The following PNPLA8 variants were observed in gnomAD, a reference collection of about 807,000 sequenced individuals.
PNPLA8 encodes the protein calcium-independent phospholipase A2-gamma.
PNPLA8 carries 39 observed loss-of-function variants against 76.9 expected under a neutral mutation model. The ratio of observed to expected loss-of-function variants is 0.51; its 90% CI spans 0.39 to 0.66. The LOEUF (loss-of-function observed/expected upper bound fraction) is 0.66. Ranked by LOEUF, PNPLA8 falls within the 30% of genes least tolerant of loss-of-function variation. PNPLA8 has a pLI of 0.00. For synonymous variants in PNPLA8, 301 were observed against 307.9 expected (o/e 0.98, Z 0.24); for missense variants, 887 against 918.0 (o/e 0.97, Z 0.44).
intron 8 of PNPLA8, among the ~76,000 whole-genome samples, chr7:108,490,908 T>C (rs145997934): frequency 6.6e-6 from 1 of 152,324 alleles, no homozygotes; most frequent in East Asian, 1.9e-4. Flanking sequence ...CCATTTCTGG[T>C]ATAGTTTTAC....
chr7:108,475,933 A>G (rs1333636128), intron 10 of PNPLA8, among the ~76,000 whole-genome samples: 1 of 151,086 alleles, frequency 6.6e-6, no homozygotes, highest in African/African-American at 2.4e-5. Context: ...TGTCCAGAAG[A>G]GGAAGTCTTA....
At chr7:108,500,498 A>G (rs1861856363) in intron 5 of PNPLA8, among the ~76,000 whole-genome samples, 1 of 152,222 alleles carries the variant, frequency 6.6e-6, no homozygotes, top group African/African-American at 2.4e-5. Flanking sequence ...TCAAGAAAGA[A>G]CTGTCTTTCC....
intron 8 of PNPLA8, among the ~76,000 whole-genome samples, chr7:108,489,342 G>A (rs1374624372): frequency 3.9e-5 from 6 of 152,132 alleles, no homozygotes; most frequent in Admixed American, 1.3e-4. Context: ...CTTGGATTCC[G>A]AGGCACTAAT....
chr7:108,506,893 T>G (rs1862472412), intron 4 of PNPLA8, among the ~76,000 whole-genome samples: 1 of 152,196 alleles, frequency 6.6e-6, no homozygotes, highest in Non-Finnish European at 1.5e-5. Flanking sequence ...GTATTTCATG[T>G]GTGAAAAATC....
intron 8 of PNPLA8, among the ~76,000 whole-genome samples, chr7:108,489,886 C>G (rs772416129): frequency 2.0e-5 from 3 of 152,080 alleles, no homozygotes; most frequent in Non-Finnish European, 4.4e-5. Flanking sequence ...GTTTCAAACA[C>G]ACAAATAAAT....
intron 5 of PNPLA8, among the ~76,000 whole-genome samples, chr7:108,498,431 AT>A (rs527328380): frequency 3.6e-3 from 501 of 139,874 alleles, no homozygotes; most frequent in Admixed American, 4.1e-3. Flanking sequence ...TGCCTGGCTA[AT>A]TTTTTTTTTT....
chr7:108,526,651 AT>A (rs1299724444), upstream of PNPLA8, among the ~76,000 whole-genome samples: 1 of 152,110 alleles, frequency 6.6e-6, no homozygotes, highest in Non-Finnish European at 1.5e-5. Flanking sequence ...CTCTATATCC[AT>A]TCCTGGGCAT....
chr7:108,479,304 A>ACGG lies in PNPLA8; in HGVS notation c.1951_1953dup (p.Pro651dup). 6.2e-7 allele frequency: 1 copy of ACGG among 1,612,960 alleles called. No individual in the cohort carries two copies. Among genetic ancestry groups the ACGG allele is most frequent in the Non-Finnish European group, 8.5e-7 (1 of 1,178,902 alleles). ...GTGCCCAGGGATACTATGCACTCTA[A>ACGG]CGGCACATCTGGCCAAAGACATTTA... is the stretch of plus-strand genomic sequence containing the variant. On this transcript the variant is annotated inframe_insertion, in exon 10 of 11. Coordinates refer to ENST00000257694, the MANE Select transcript of PNPLA8 (RefSeq NM_001256007.3).
Position 108,472,365 on chromosome 7 carries a change from C to G in PNPLA8, c.*36G>C, listed in dbSNP as rs776615747. 7.0e-7 allele frequency: 1 copy of G among 1,430,944 alleles called. No individual in the cohort carries two copies. Among genetic ancestry groups the G allele is most frequent in the Non-Finnish European group, 9.5e-7 (1 of 1,057,180 alleles). The allele number at this position is 1,430,944 out of a possible 1,614,324, so 88.6% of individuals were successfully genotyped here. A position where few individuals can be genotyped will look rare whatever the true frequency, so the allele number is the denominator to read the frequency against. On this transcript the variant is annotated 3_prime_UTR_variant, in exon 11 of 11. Transcript: ENST00000257694. ...TATTGAATGTGGTTGATCTTCTAAA[C>G]AGACCTTCATTTATGAGAACATAAG...
At chr7:108,515,622 T>C (rs998136687) in intron 2 of PNPLA8, 48 bp from the exon 3 acceptor site, 2 of 1,145,496 alleles carry the variant, frequency 1.7e-6, no homozygotes, top group Non-Finnish European at 2.2e-6. Context: ...AAATTGAAAT[T>C]GGGTATAACA....
At chr7:108,513,704 T>C (rs1161538926) in intron 4 of PNPLA8, among the ~76,000 whole-genome samples, 1 of 152,154 alleles carries the variant, frequency 6.6e-6, no homozygotes. Flanking sequence ...TTTTACTTAA[T>C]ATGATTACTA....
intron 2 of PNPLA8, among the ~76,000 whole-genome samples, chr7:108,520,131 T>C (rs1335692824): frequency 1.3e-5 from 2 of 152,206 alleles, no homozygotes; most frequent in African/African-American, 4.8e-5. Context: ...TTAATAAATT[T>C]GTATGCCATT....
chr7:108,518,174 C>G (rs1465644324), intron 2 of PNPLA8: 1 of 152,214 alleles, frequency 6.6e-6, no homozygotes, highest in African/African-American at 2.4e-5. Context: ...GACCTAATCA[C>G]CTCCCAAAGA....
At chr7:108,494,539 G>GA (rs1484523064) in intron 7 of PNPLA8, among the ~76,000 whole-genome samples, 2 of 152,176 alleles carry the variant, frequency 1.3e-5, no homozygotes, top group Non-Finnish European at 2.9e-5. Flanking sequence ...CAAAGGACAT[G>GA]ATTTTTTTTT....
chr7:108,497,222 T>C (rs10250374), intron 6 of PNPLA8, among the ~76,000 whole-genome samples: 30,333 of 152,076 alleles, frequency 0.2, 3,213 homozygotes, highest in East Asian at 0.35. Flanking sequence ...TAGGAACCAA[T>C]GTAATTAAAC....
chr7:108,491,362 G>T, intron 8 of PNPLA8, 48 bp downstream of exon 8: 1 of 1,119,542 alleles, frequency 8.9e-7, no homozygotes, highest in South Asian at 1.3e-5. Flanking sequence ...GCTTTCACCA[G>T]ACCTTCAGAT....
intron 7 of PNPLA8, 140 bp downstream of exon 7, chr7:108,496,444 T>C (rs1282577046): frequency 1.8e-6 from 1 of 541,398 alleles, no homozygotes; most frequent in East Asian, 3.5e-5. Context: ...TATCTCTAAT[T>C]AGTCAAATAA....
In PNPLA8 at chr7:108,515,251, T is replaced by C. The variant is rs750960133; in HGVS notation, c.241A>G (p.Ile81Val). Residue 81 changes from isoleucine (I) to valine (V), a missense_variant, in exon 3 of 11, where the codon ATT (isoleucine) becomes GTT (valine). Transcript: ENST00000257694. Reference sequence around the variant, plus strand: ...GAAGTGCTAAGTTTCAAAATCCCAATATGTAAACCATGGTTGCTTGGAGAG... The same window carrying C: ...GAAGTGCTAAGTTTCAAAATCCCAACATGTAAACCATGGTTGCTTGGAGAG... ...CYSPSNHGLHIGILKLSTSAP... is the reference protein window; with the variant it reads ...CYSPSNHGLHVGILKLSTSAP... The C allele has an allele frequency of 1.9e-6, 3 of 1,602,614 alleles. No homozygotes were observed. The highest frequency in any genetic ancestry group is 2.6e-6 in the Non-Finnish European group (3 of 1,173,574).
intron 10 of PNPLA8, among the ~76,000 whole-genome samples, chr7:108,476,091 A>C (rs1017776730): frequency 6.6e-6 from 1 of 152,202 alleles, no homozygotes; most frequent in African/African-American, 2.4e-5. Context: ...TTTACCATTT[A>C]TTTAGCAATT....
Sources: allele counts gnomAD v4.1 joint callset (sites outside exome capture counted in the v4.1 genomes callset), GRCh38; gene constraint gnomAD v4.1.1; transcripts MANE v1.5; gene names NCBI Gene and HGNC (gene_info 2026-07-23, HGNC 2026-07-21).